The following TBC1D16 variants were observed in gnomAD, a reference collection of about 807,000 sequenced individuals.
TBC1D16 encodes the protein TBC1 domain family member 16.
Under a neutral mutation model 74.7 loss-of-function variants are expected in TBC1D16, and 58 were observed. That is an observed-to-expected ratio of 0.78 (90% CI 0.63 to 0.97). TBC1D16 has a LOEUF of 0.97. TBC1D16 is among the 50% of genes least tolerant of loss of function. The pLI is 0.00. For synonymous variants in TBC1D16, 493 were observed against 474.7 expected, an observed-to-expected ratio of 1.04 and a Z score of -0.50; for missense variants, 1,014 against 1,079.5, an observed-to-expected ratio of 0.94 and a Z score of 0.85.
At chr17:80,033,394 A>G (rs1211672561) in intron 1 of TBC1D16, among the ~76,000 whole-genome samples, 1 of 151,642 alleles carries the variant, frequency 6.6e-6, no homozygotes, top group Non-Finnish European at 1.5e-5. Flanking sequence ...TTTTTTTTTA[A>G]GCAGAGTCTC....
chr17:79,959,368 A>G, intron 3 of TBC1D16, among the ~76,000 whole-genome samples: 1 of 152,222 alleles, frequency 6.6e-6, no homozygotes, highest in Non-Finnish European at 1.5e-5. Context: ...AAATTCCAAC[A>G]GGAATTTTTA....
chr17:79,975,882 C>T lies in TBC1D16; in HGVS notation c.780-23064G>A, dbSNP rs977864340. ...AGAGCTCTGGGCTTCAGGATGGCAG[C>T]AGCAGCTCCGGCAGGCGGCTCTCCA... On this transcript the variant is annotated intron_variant, in intron 3 of 11. Coordinates refer to ENST00000310924, the MANE Select transcript of TBC1D16 (RefSeq NM_019020.4). This position sits in a 1 kb window ranked among gnomAD's most constrained non-coding sequence, Gnocchi z 4.5. Among the ~76,000 whole-genome samples the T allele has an allele frequency of 2.0e-5, 3 of 152,212 alleles. No homozygotes were observed. The highest frequency in any genetic ancestry group is 7.2e-5 in the African/African-American group (3 of 41,462).
Position 79,994,724 on chromosome 17 carries a change from G to A in TBC1D16, c.779+15436C>T, listed in dbSNP as rs1159611870. ...CAGGCGTGAGCCATTGCGCCCGGCC[G>A]AGAATGTTTTTTCAAAAAAGCAGGT... On this transcript the variant is annotated intron_variant, in intron 3 of 11. Transcript: ENST00000310924. The surrounding 1 kb of genome is among the most constrained non-coding windows in gnomAD (Gnocchi z 4.6). 2.6e-5 allele frequency among the ~76,000 whole-genome samples: 4 copies of A among 152,050 alleles called. No individual in the cohort carries two copies. The highest frequency in any genetic ancestry group is 5.9e-5 in the Non-Finnish European group (4 of 68,012).
intron 3 of TBC1D16, among the ~76,000 whole-genome samples, chr17:79,967,710 T>A (rs538510538): frequency 1.3e-5 from 2 of 152,292 alleles, no homozygotes; most frequent in East Asian, 3.9e-4. Context: ...CCTATCAAAA[T>A]CCCAGCTACC....
intron 1 of TBC1D16, among the ~76,000 whole-genome samples, chr17:80,032,605 G>T (rs987519778): frequency 6.6e-6 from 1 of 152,132 alleles, no homozygotes; most frequent in Non-Finnish European, 1.5e-5. Context: ...AAGCCAACAG[G>T]ATAAAAAACA....
At chr17:80,011,306 C>G (rs1339884675) in intron 2 of TBC1D16, among the ~76,000 whole-genome samples, 1 of 151,856 alleles carries the variant, frequency 6.6e-6, no homozygotes, top group Non-Finnish European at 1.5e-5. Flanking sequence ...CTCAGCCTCC[C>G]AAAGTGCTAG....
At chr17:79,943,341 G>T (rs1417244109) in intron 10 of TBC1D16, among the ~76,000 whole-genome samples, 1 of 152,110 alleles carries the variant, frequency 6.6e-6, no homozygotes, top group African/African-American at 2.4e-5. Context: ...AGAGGAATGT[G>T]GGGAGGGAGA....
intron 1 of TBC1D16, among the ~76,000 whole-genome samples, chr17:80,016,719 G>A (rs953750186): frequency 2.0e-5 from 3 of 152,116 alleles, no homozygotes; most frequent in African/African-American, 7.2e-5. Flanking sequence ...GGACCAGGCG[G>A]CTCAGCGCTC....
intron 3 of TBC1D16, among the ~76,000 whole-genome samples, chr17:79,989,069 A>T (rs1342325654): frequency 6.6e-6 from 1 of 152,214 alleles, no homozygotes; most frequent in Non-Finnish European, 1.5e-5. Flanking sequence ...TCCAAGATAC[A>T]AACACAAACT....
chr17:80,024,428 CTACACATCATAGACACACACACCA>C (rs1568648178), intron 1 of TBC1D16, among the ~76,000 whole-genome samples: 29 of 96,628 alleles, frequency 3.0e-4, no homozygotes, highest in Admixed American at 3.3e-4. Context: ...GACACACACA[CTACACATCATAGACACACACACCA>C]CACACACCAT....
chr17:79,955,120 T>G lies in TBC1D16; in HGVS notation c.780-2302A>C, dbSNP rs1251273264. 2.0e-5 allele frequency among the ~76,000 whole-genome samples: 3 copies of G among 152,328 alleles called. No homozygotes were observed. The South Asian group carries it at 6.2e-4, about 32-fold the overall frequency. ...TTGGCTTAAACCCTCTCGCAACCCCTTAGGGGCAAATTATTTGCATTAATT... is the reference window on the plus strand; with the variant it reads ...TTGGCTTAAACCCTCTCGCAACCCCGTAGGGGCAAATTATTTGCATTAATT... On this transcript the variant is annotated intron_variant, in intron 3 of 11. Coordinates refer to ENST00000310924, the MANE Select transcript of TBC1D16 (RefSeq NM_019020.4).
At chr17:79,998,229 G>A (rs2035350415) in intron 3 of TBC1D16, among the ~76,000 whole-genome samples, 2 of 151,180 alleles carry the variant, frequency 1.3e-5, no homozygotes, top group South Asian at 4.2e-4. Context: ...CTCCTCTTGA[G>A]CCCCCAGCAG....
intron 3 of TBC1D16, among the ~76,000 whole-genome samples, chr17:79,970,948 G>A (rs577015262): frequency 1.1e-4 from 17 of 150,466 alleles, no homozygotes; most frequent in East Asian, 7.9e-4. Context: ...TGAGTTTTAC[G>A]TTCCTCCCAG....
intron 3 of TBC1D16, among the ~76,000 whole-genome samples, chr17:79,998,691 C>T (rs1486548590): frequency 1.3e-5 from 2 of 151,984 alleles, no homozygotes; most frequent in Admixed American, 6.6e-5. Flanking sequence ...GCATCCTCCA[C>T]ATCTGCTCAA....
Position 79,941,367 on chromosome 17 carries a change from T to C in TBC1D16, c.2056-260A>G, listed in dbSNP as rs1396251183. ...AGGTGGCTCGAGGTGAACAAGGCCC[T>C]TGAATGGGCTTCATTCAGGAGGGTG... On this transcript the variant is annotated intron_variant, in intron 11 of 11. Transcript: ENST00000310924. This position sits in a 1 kb window ranked among gnomAD's most constrained non-coding sequence, Gnocchi z 4.3. 6.6e-6 allele frequency among the ~76,000 whole-genome samples: 1 copy of C among 152,184 alleles called. No individual in the cohort carries two copies. The highest frequency in any genetic ancestry group is 2.4e-5 in the African/African-American group (1 of 41,446).
At position 80,000,333 on chromosome 17, in the gene TBC1D16, C is replaced by G. The variant is rs1235386667; in HGVS notation, c.779+9827G>C. Among the ~76,000 whole-genome samples, 2 of 152,142 alleles carry G rather than the reference C, an allele frequency of 1.3e-5. No homozygotes were observed. The highest frequency in any genetic ancestry group is 2.9e-5 in the Non-Finnish European group (2 of 68,028). ...CACCCTAGATTTGAGTAGGCCCTAT[C>G]TAATGACTGGCATCCGTATGAGAAG... is the stretch of plus-strand genomic sequence containing the variant. On this transcript the variant is annotated intron_variant, in intron 3 of 11. Coordinates refer to ENST00000310924, the MANE Select transcript of TBC1D16 (RefSeq NM_019020.4). The surrounding 1 kb of genome is among the most constrained non-coding windows in gnomAD (Gnocchi z 4.1).
rs1170967228 is a variant in TBC1D16, at chr17:79,934,408, G to A, written c.*6451C>T. On this transcript the variant is annotated 3_prime_UTR_variant, in exon 12 of 12. Coordinates refer to ENST00000310924, the MANE Select transcript of TBC1D16 (RefSeq NM_019020.4). ...CTGCCCTGCCCAGTCCCGTTGCCTTGGAGGCGGTGACATCAGGGGCCCCTG... is the reference window on the plus strand; with the variant it reads ...CTGCCCTGCCCAGTCCCGTTGCCTTAGAGGCGGTGACATCAGGGGCCCCTG... 6.6e-6 allele frequency: 1 copy of A among 152,394 alleles called. No homozygotes were observed. Among genetic ancestry groups the A allele is most frequent in the African/African-American group, 2.4e-5 (1 of 41,434 alleles). The allele number at this position is 152,394 out of a possible 1,614,324, so 9.4% of individuals were successfully genotyped here. A position where few individuals can be genotyped will look rare whatever the true frequency, so the allele number is the denominator to read the frequency against.
rs780486406 is a variant in TBC1D16, at chr17:79,952,830, G to A, written c.780-12C>T. 3.8e-6 allele frequency: 6 copies of A among 1,594,934 alleles called. No homozygotes were observed. In the African/African-American group the frequency reaches 6.7e-5, roughly 18 times the overall value. ...AGCTGGACGGGGGGCTGGTGGAACA[G>A]GTTATGTGATGATCGCCACACTTCT... On this transcript the variant is annotated splice_polypyrimidine_tract_variant and intron_variant, in intron 3 of 11. Transcript: ENST00000310924.
chr17:79,958,483 G>T (rs2033448115), intron 3 of TBC1D16, among the ~76,000 whole-genome samples: 1 of 152,198 alleles, frequency 6.6e-6, no homozygotes, highest in African/African-American at 2.4e-5. Flanking sequence ...CTCCCAAAGT[G>T]CTGGGATCAC....
Sources: gnomAD v4.1 joint callset for allele counts (sites outside exome capture counted in the v4.1 genomes callset) on GRCh38, gnomAD v4.1.1 for gene constraint, Gnocchi (gnomAD v3.1) non-coding constraint, MANE v1.5 for transcripts, NCBI Gene and HGNC (gene_info 2026-07-23, HGNC 2026-07-21) for gene names.